The following NPBWR2 variants were observed in gnomAD, a reference collection of about 807,000 sequenced individuals.
NPBWR2 encodes neuropeptides B and W receptor 2, also known as neuropeptides B/W receptor type 2.
For missense variants in NPBWR2, 390 were observed against 458.2 expected, an observed-to-expected ratio of 0.85 and a Z score of 1.36; for synonymous variants, 207 against 223.5, an observed-to-expected ratio of 0.93 and a Z score of 0.66.
Position 64,105,122 on chromosome 20 carries a change from C to A in NPBWR2, c.*708G>T, listed in dbSNP as rs1979920143. On this transcript the variant is annotated 3_prime_UTR_variant, in exon 2 of 2. Transcript: ENST00000684052. ...GCATCGCTGCTGCCTGAGGTGCCCG[C>A]ACTTACCACCCCCCGGCCCCATCTT... Among the ~76,000 whole-genome samples, 1 of 152,124 alleles carries A rather than the reference C, an allele frequency of 6.6e-6. No individual in the cohort carries two copies. The highest frequency in any genetic ancestry group is 2.4e-5 in the African/African-American group (1 of 41,424).
chr20:64,107,420 C>T lies in NPBWR2; in HGVS notation c.-148G>A, dbSNP rs1273627123. Among the ~76,000 whole-genome samples, 1 of 152,154 alleles carries T rather than the reference C, an allele frequency of 6.6e-6. No homozygotes were observed. Among genetic ancestry groups the T allele is most frequent in the Admixed American group, 6.5e-5 (1 of 15,286 alleles). On this transcript the variant is annotated 5_prime_UTR_variant, in exon 1 of 2. Transcript: ENST00000684052. The surrounding 1 kb of genome is among the most constrained non-coding windows in gnomAD (Gnocchi z 6.3). ...GCCTTGGTGTGTTCCTGGTTTTGGC[C>T]AGTACAGGCAGTCGCAGGGATGGAG...
chr20:64,105,762 ATGATGGG>A lies in NPBWR2; in HGVS notation c.*61_*67del, dbSNP rs1979994592. On this transcript the variant is annotated 3_prime_UTR_variant, in exon 2 of 2. Transcript: ENST00000684052. ...GCCTGATGGGGGTGTGGGCATGATG[ATGATGGG>A]CGTGATGATGATGGGGGGTGATGAT... 8.7e-7 allele frequency: 1 copy of A among 1,144,746 alleles called. No homozygotes were observed. Among genetic ancestry groups the A allele is most frequent in the Non-Finnish European group, 1.2e-6 (1 of 859,478 alleles). The allele number at this position is 1,144,746 out of a possible 1,614,324, so 70.9% of individuals were successfully genotyped here. A position where few individuals can be genotyped will look rare whatever the true frequency, so the allele number is the denominator to read the frequency against.
Position 64,106,593 on chromosome 20 carries a change from G to C in NPBWR2, c.239C>G (p.Thr80Ser). 1 of 1,611,798 alleles carries C rather than the reference G, an allele frequency of 6.2e-7. No individual in the cohort carries two copies. Among genetic ancestry groups the C allele is most frequent in the Non-Finnish European group, 8.5e-7 (1 of 1,179,964 alleles). ...ILRAPKMKTV[T>S]NVFILNLAVA... ...GGCCAGGTTCAGGATGAACACGTTGGTCACCGTCTTCATCTTGGGCGCCCT... is the reference window on the plus strand; with the variant it reads ...GGCCAGGTTCAGGATGAACACGTTGCTCACCGTCTTCATCTTGGGCGCCCT... Residue 80 changes from threonine to serine, a missense_variant, in exon 2 of 2, where the codon ACC becomes AGC. Physicochemically the swap from Thr to Ser is moderately conservative, Grantham distance 58. Transcript: ENST00000684052. This position sits in a 1 kb window ranked among gnomAD's most constrained non-coding sequence, Gnocchi z 9.5.
In NPBWR2 at chr20:64,105,136, C is replaced by T. The variant is rs373290170; in HGVS notation, c.*694G>A. On this transcript the variant is annotated 3_prime_UTR_variant, in exon 2 of 2. Transcript: ENST00000684052. The stretch of plus-strand genomic sequence containing the variant: ...TGAGGTGCCCGCACTTACCACCCCC[C>T]GGCCCCATCTTGGGGAGAGACTATG... Among the ~76,000 whole-genome samples, 19 of 152,094 alleles carry T rather than the reference C, an allele frequency of 1.2e-4. No individual in the cohort carries two copies. The highest frequency in any genetic ancestry group is 2.4e-4 in the Non-Finnish European group (16 of 68,014).
In NPBWR2 at chr20:64,104,698, G is replaced by A. The variant is rs1196494694; in HGVS notation, c.*1132C>T. Among the ~76,000 whole-genome samples, 1 of 138,912 alleles carries A rather than the reference G, an allele frequency of 7.2e-6. No homozygotes were observed. Among genetic ancestry groups the A allele is most frequent in the African/African-American group, 2.6e-5 (1 of 38,316 alleles). The allele number at this position is 138,912 out of a possible 152,430, so 91.1% of individuals were successfully genotyped here. A position where few individuals can be genotyped will look rare whatever the true frequency, so the allele number is the denominator to read the frequency against. On this transcript the variant is annotated 3_prime_UTR_variant, in exon 2 of 2. Coordinates refer to ENST00000684052, the MANE Select transcript of NPBWR2 (RefSeq NM_005286.4). ...GGGGGTACAGGGGAGCACAGGCCAT[G>A]GAGAGGACCGTCGGCCACAGCAGGG...
rs567771789 is a variant in NPBWR2, at chr20:64,104,499, G to C, written c.*1331C>G. On this transcript the variant is annotated 3_prime_UTR_variant, in exon 2 of 2. Transcript: ENST00000684052. The stretch of plus-strand genomic sequence containing the variant: ...TCGGCCACAGCAGGGGGGTACAGGG[G>C]AGCACAGGCCATGGAGAGGACCGTC... Among the ~76,000 whole-genome samples, 2 of 150,894 alleles carry C rather than the reference G, an allele frequency of 1.3e-5. No homozygotes were observed. The highest frequency in any genetic ancestry group is 2.0e-4 in the East Asian group (1 of 5,044).
rs1362841581 is a variant in NPBWR2, at chr20:64,104,334, A to G, written c.*1496T>C. Among the ~76,000 whole-genome samples the G allele has an allele frequency of 6.6e-6, 1 of 152,214 alleles. No homozygotes were observed. Among genetic ancestry groups the G allele is most frequent in the Non-Finnish European group, 1.5e-5 (1 of 68,026 alleles). ...GCCACACCCCGGGAGAGAGAGTTCC[A>G]GGTGCCAGCCTGTCCAAGTGATGGA... On this transcript the variant is annotated 3_prime_UTR_variant, in exon 2 of 2. Coordinates refer to ENST00000684052, the MANE Select transcript of NPBWR2 (RefSeq NM_005286.4).
At position 64,104,907 on chromosome 20, in the gene NPBWR2, G is replaced by A. The variant is rs144806296; in HGVS notation, c.*923C>T. 8.8e-4 allele frequency among the ~76,000 whole-genome samples: 103 copies of A among 117,294 alleles called. 6 individuals are homozygous for A. Among genetic ancestry groups the A allele is most frequent in the Middle Eastern group, 4.7e-3 (1 of 212 alleles). 76.9% of individuals were successfully genotyped at this position (117,294 alleles called of 152,430 possible). A position where few individuals can be genotyped will look rare whatever the true frequency, so the allele number is the denominator to read the frequency against. On this transcript the variant is annotated 3_prime_UTR_variant, in exon 2 of 2. Transcript: ENST00000684052. ...AGCACAGGCCATGGAGAGGACTGTCGGACACAGCAGGGCGGGTACAGGCCA... is the reference window on the plus strand; with the variant it reads ...AGCACAGGCCATGGAGAGGACTGTCAGACACAGCAGGGCGGGTACAGGCCA...
rs963325679 is a variant in NPBWR2 at position 64,104,335 on chromosome 20, G to A, written c.*1495C>T. The stretch of plus-strand genomic sequence containing the variant: ...CCACACCCCGGGAGAGAGAGTTCCA[G>A]GTGCCAGCCTGTCCAAGTGATGGAT... On this transcript the variant is annotated 3_prime_UTR_variant, in exon 2 of 2. Transcript: ENST00000684052. Among the ~76,000 whole-genome samples, 2 of 152,216 alleles carry A rather than the reference G, an allele frequency of 1.3e-5. No individual in the cohort carries two copies. The highest frequency in any genetic ancestry group is 4.8e-5 in the African/African-American group (2 of 41,446).
At position 64,104,642 on chromosome 20, in the gene NPBWR2, A is replaced by G. The variant is rs1214819334; in HGVS notation, c.*1188T>C. Among the ~76,000 whole-genome samples the G allele has an allele frequency of 1.5e-5, 2 of 130,556 alleles. No homozygotes were observed. Among genetic ancestry groups the G allele is most frequent in the African/African-American group, 5.4e-5 (2 of 37,250 alleles). The allele number at this position is 130,556 out of a possible 152,430, so 85.6% of individuals were successfully genotyped here. A position where few individuals can be genotyped will look rare whatever the true frequency, so the allele number is the denominator to read the frequency against. On this transcript the variant is annotated 3_prime_UTR_variant, in exon 2 of 2. Transcript: ENST00000684052. ...ACAGCAGGGGAGTATAGGGGAGCACAGGCCATGGAGAGGACCGTCAGACAC... is the reference window on the plus strand; with the variant it reads ...ACAGCAGGGGAGTATAGGGGAGCACGGGCCATGGAGAGGACCGTCAGACAC...
Position 64,106,528 on chromosome 20 carries a change from T to C in NPBWR2, c.304A>G (p.Ile102Val). The stretch of plus-strand genomic sequence containing the variant: ...CAGTACTGCAGCAGGTGCTCCGCGA[T>C]GTTGACGGGCAGTACCAGCGTGAAG... ...GLFTLVLPVN[I>V]AEHLLQYWPF... The change falls in exon 2 of 2, where the codon ATC becomes GTC. Residue 102 changes from isoleucine (I) to valine (V), a missense_variant. By Grantham distance (29) the Ile-to-Val change is conservative (BLOSUM62 3). Coordinates refer to ENST00000684052, the MANE Select transcript of NPBWR2 (RefSeq NM_005286.4). This position sits in a 1 kb window ranked among gnomAD's most constrained non-coding sequence, Gnocchi z 9.5. 6.2e-7 allele frequency: 1 copy of C among 1,612,334 alleles called. No homozygotes were observed. The highest frequency in any genetic ancestry group is 1.6e-4 in the Middle Eastern group (1 of 6,062).
rs1429505175 is a variant in NPBWR2 at position 64,105,303 on chromosome 20, G to C, written c.*527C>G. Among the ~76,000 whole-genome samples, 2 of 151,122 alleles carry C rather than the reference G, an allele frequency of 1.3e-5. No individual in the cohort carries two copies. Among genetic ancestry groups the C allele is most frequent in the Non-Finnish European group, 2.9e-5 (2 of 67,848 alleles). ...GGTAAGTGGGCCCGGGATGCTTGCT[G>C]TGTGGGGGCCTCTGCCAGGACCTGG... On this transcript the variant is annotated 3_prime_UTR_variant, in exon 2 of 2. Transcript: ENST00000684052.
rs150837226 is a variant in NPBWR2, at chr20:64,105,883, C to A, written c.949G>T (p.Ala317Ser). 2 of 1,598,510 alleles carry A rather than the reference C, an allele frequency of 1.3e-6. No homozygotes were observed. Among genetic ancestry groups the A allele is most frequent in the Non-Finnish European group, 1.7e-6 (2 of 1,171,862 alleles). The change falls in exon 2 of 2, where the codon GCC (alanine) becomes TCC (serine). Residue 317 changes from alanine (A) to serine (S), a missense_variant. By Grantham distance (99) the Ala-to-Ser change is moderately conservative (BLOSUM62 1). Transcript: ENST00000684052. ...TTCCGGAAGTTGTCATCTAGAAAGGCGTAGAGGAAGGGGTTCAGGCACGAG... is the reference window on the plus strand; with the variant it reads ...TTCCGGAAGTTGTCATCTAGAAAGGAGTAGAGGAAGGGGTTCAGGCACGAG... ...ANSCLNPFLY[A>S]FLDDNFRKNF... is the part of the protein sequence containing the mutation.
chr20:64,106,430 G>A lies in NPBWR2; in HGVS notation c.402C>T (p.Phe134=). Residue 134 remains phenylalanine, a synonymous_variant, in exon 2 of 2, where the codon TTC becomes TTT. Transcript: ENST00000684052. This position sits in a 1 kb window ranked among gnomAD's most constrained non-coding sequence, Gnocchi z 9.5. ...DHYNIFSSIY[F]LAVMSVDRYL... ...ATCGGTCCACGCTCATCACGGCTAG[G>A]AAGTAGATGCTGGAGAAGATGTTGT... 1 of 1,612,812 alleles carries A rather than the reference G, an allele frequency of 6.2e-7. No individual in the cohort carries two copies. Among genetic ancestry groups the A allele is most frequent in the Non-Finnish European group, 8.5e-7 (1 of 1,180,012 alleles).
At position 64,103,959 on chromosome 20, in the gene NPBWR2, T is replaced by C. The variant is rs1979862672; in HGVS notation, c.*1871A>G. On this transcript the variant is annotated 3_prime_UTR_variant, in exon 2 of 2. Coordinates refer to ENST00000684052, the MANE Select transcript of NPBWR2 (RefSeq NM_005286.4). ...CCGAGTGGGCTGGAACGCTGGAGTATTTGGTGGATGGGTGGAGGTGGGCAT... is the reference window on the plus strand; with the variant it reads ...CCGAGTGGGCTGGAACGCTGGAGTACTTGGTGGATGGGTGGAGGTGGGCAT... 1.3e-5 allele frequency among the ~76,000 whole-genome samples: 2 copies of C among 152,100 alleles called. No individual in the cohort carries two copies. Among genetic ancestry groups the C allele is most frequent in the African/African-American group, 2.4e-5 (1 of 41,404 alleles).
At position 64,104,194 on chromosome 20, in the gene NPBWR2, C is replaced by T. The variant is rs1979868446; in HGVS notation, c.*1636G>A. On this transcript the variant is annotated 3_prime_UTR_variant, in exon 2 of 2. Transcript: ENST00000684052. ...AGCACACCTGGGACCAACCCCTGGCCCCTCCCACCTGACAGTCAGCGGTCT... is the reference window on the plus strand; with the variant it reads ...AGCACACCTGGGACCAACCCCTGGCTCCTCCCACCTGACAGTCAGCGGTCT... 6.6e-6 allele frequency among the ~76,000 whole-genome samples: 1 copy of T among 152,160 alleles called. No homozygotes were observed. Among genetic ancestry groups the T allele is most frequent in the African/African-American group, 2.4e-5 (1 of 41,422 alleles).
At position 64,106,085 on chromosome 20, in the gene NPBWR2, C is replaced by T; in HGVS notation, c.747G>A (p.Lys249=). The T allele has an allele frequency of 1.9e-6, 3 of 1,611,262 alleles. No individual in the cohort carries two copies. Among genetic ancestry groups the T allele is most frequent in the Non-Finnish European group, 2.5e-6 (3 of 1,179,530 alleles). The change falls in exon 2 of 2, where the codon AAG becomes AAA. Residue 249 remains lysine (K), a synonymous_variant. Coordinates refer to ENST00000684052, the MANE Select transcript of NPBWR2 (RefSeq NM_005286.4). The surrounding 1 kb of genome is among the most constrained non-coding windows in gnomAD (Gnocchi z 9.5). ...LRAVRLRSGA[K]ALGKARRKVT... ...CCTTCCGCCTGGCCTTGCCTAGAGC[C>T]TTGGCTCCAGAGCGGAGCCGCACGG... is the stretch of plus-strand genomic sequence containing the variant.
chr20:64,106,318 G>T lies in NPBWR2; in HGVS notation c.514C>A (p.Leu172Met). Residue 172 changes from leucine to methionine, a missense_variant, in exon 2 of 2, where the codon CTG (leucine) becomes ATG (methionine). Coordinates refer to ENST00000684052, the MANE Select transcript of NPBWR2 (RefSeq NM_005286.4). This position sits in a 1 kb window ranked among gnomAD's most constrained non-coding sequence, Gnocchi z 9.5. Reference sequence around the variant, plus strand: ...GGCAGAACCAGGACCGTGACGCCCAGCCAGACACACAGGCTGGCGACCTTC... The same window carrying T: ...GGCAGAACCAGGACCGTGACGCCCATCCAGACACACAGGCTGGCGACCTTC... ...GAKVASLCVW[L>M]GVTVLVLPFF... 2 of 1,612,866 alleles carry T rather than the reference G, an allele frequency of 1.2e-6. No individual in the cohort carries two copies. Among genetic ancestry groups the T allele is most frequent in the Non-Finnish European group, 1.7e-6 (2 of 1,180,026 alleles).
chr20:64,105,474 C>T lies in NPBWR2; in HGVS notation c.*356G>A, dbSNP rs536234645. ...GGACAGCACTGGGATGTGAACAGGC[C>T]GGGCGTCCCCTGAAAGAGACAGCCG... is the stretch of plus-strand genomic sequence containing the variant. On this transcript the variant is annotated 3_prime_UTR_variant, in exon 2 of 2. Coordinates refer to ENST00000684052, the MANE Select transcript of NPBWR2 (RefSeq NM_005286.4). Among the ~76,000 whole-genome samples, 14 of 95,694 alleles carry T rather than the reference C, an allele frequency of 1.5e-4. No homozygotes were observed. The highest frequency in any genetic ancestry group is 5.2e-4 in the African/African-American group (12 of 22,934). 62.8% of individuals were successfully genotyped at this position (95,694 alleles called of 152,430 possible). A position where few individuals can be genotyped will look rare whatever the true frequency, so the allele number is the denominator to read the frequency against.
Sources: allele counts gnomAD v4.1 joint callset (sites outside exome capture counted in the v4.1 genomes callset), GRCh38; gene constraint gnomAD v4.1.1; non-coding constraint Gnocchi (gnomAD v3.1); transcripts MANE v1.5; gene names NCBI Gene and HGNC (gene_info 2026-07-23, HGNC 2026-07-21).